The following PCDHGA3 variants were observed in gnomAD, a reference collection of about 807,000 sequenced individuals.
PCDHGA3 encodes protocadherin gamma subfamily A, 3.
In PCDHGA3, 40 loss-of-function variants were observed where a neutral mutation model predicts 58.5. The observed-to-expected ratio is 0.68, with a 90% CI of 0.53 to 0.89. The LOEUF is 0.89. Ranked by LOEUF, PCDHGA3 falls within the 40% of genes least tolerant of loss-of-function variation. PCDHGA3 has a pLI of 0.00. For missense variants in PCDHGA3, 1,223 were observed against 1,195.9 expected (o/e 1.02, Z -0.33); for synonymous variants, 530 against 525.7 (o/e 1.01, Z -0.11).
At chr5:141,494,676 CT>C (rs2099756021) in intron 1 of PCDHGA3, 130 bp from the exon 2 acceptor site, 6 of 1,550,918 alleles carry the variant, frequency 3.9e-6, no homozygotes, top group Non-Finnish European at 4.4e-6. Context: ...GAGTCCACCC[CT>C]GCCCCCTCTT....
chr5:141,500,467 C>T lies in PCDHGA3; in HGVS notation c.2484-4926C>T, dbSNP rs368360639. 6.6e-5 allele frequency among the ~76,000 whole-genome samples: 10 copies of T among 152,262 alleles called. No homozygotes were observed. In the South Asian group the frequency reaches 2.1e-3, roughly 32 times the overall value. ...CTCGTGATCCGCCCGCCTCGGCCTC[C>T]CAAAGTGCTGGGATTACAGGCGTGA... is the stretch of plus-strand genomic sequence containing the variant. On this transcript the variant is annotated intron_variant, in intron 2 of 3. Coordinates refer to ENST00000253812, the MANE Select transcript of PCDHGA3 (RefSeq NM_018916.4).
chr5:141,357,606 A>C, intron 1 of PCDHGA3: 2 of 1,614,052 alleles, frequency 1.2e-6, no homozygotes, highest in Non-Finnish European at 1.7e-6. Flanking sequence ...AAACAAAAGG[A>C]GACCCTAATC....
chr5:141,422,296 A>C, intron 1 of PCDHGA3: 1 of 1,550,706 alleles, frequency 6.4e-7, no homozygotes, highest in South Asian at 1.3e-5. Context: ...TATTAATTCA[A>C]TTCTGGAAAA....
At chr5:141,444,804 A>G (rs140326088) in intron 1 of PCDHGA3, among the ~76,000 whole-genome samples, 1 of 152,250 alleles carries the variant, frequency 6.6e-6, no homozygotes, top group Non-Finnish European at 1.5e-5. Flanking sequence ...TCTTTTACTA[A>G]TAGCACACTG....
At chr5:141,385,355 G>A in intron 1 of PCDHGA3, 1 of 1,548,228 alleles carries the variant, frequency 6.5e-7, no homozygotes, top group Non-Finnish European at 8.7e-7. Flanking sequence ...TTTCCATGAG[G>A]AATTTATTTG....
At chr5:141,399,123 T>C (rs1221457638) in intron 1 of PCDHGA3, 12 of 1,613,828 alleles carry the variant, frequency 7.4e-6, no homozygotes, top group East Asian at 2.2e-5. Context: ...TTGAAATTAA[T>C]ATTCAAGATG....
chr5:141,423,226 G>A lies in PCDHGA3; in HGVS notation c.2425-71581G>A, dbSNP rs775936938. On this transcript the variant is annotated intron_variant, in intron 1 of 3. Coordinates refer to ENST00000253812, the MANE Select transcript of PCDHGA3 (RefSeq NM_018916.4). The stretch of plus-strand genomic sequence containing the variant: ...CGTCACGCTCACCGTGGCTGTGGCC[G>A]ACAGCATCCCCGAAGTCCTGGCGGA... The A allele has an allele frequency of 2.2e-5, 36 of 1,613,708 alleles. No homozygotes were observed. The highest frequency in any genetic ancestry group is 2.6e-5 in the Non-Finnish European group (31 of 1,180,034).
intron 1 of PCDHGA3, among the ~76,000 whole-genome samples, chr5:141,401,300 C>A (rs1169689828): frequency 1.3e-5 from 2 of 152,200 alleles, no homozygotes; most frequent in African/African-American, 4.8e-5. Context: ...CGAGATCACT[C>A]CATTGCATTC....
intron 1 of PCDHGA3, chr5:141,415,157 C>G: frequency 6.2e-7 from 1 of 1,613,864 alleles, no homozygotes. Context: ...CTCTCCGCCA[C>G]TGTCACGCTC....
intron 1 of PCDHGA3, among the ~76,000 whole-genome samples, chr5:141,380,646 A>T (rs1221627488): frequency 6.6e-6 from 1 of 152,256 alleles, no homozygotes; most frequent in Non-Finnish European, 1.5e-5. Context: ...AATGCTAGAG[A>T]CAATGAAGCC....
At chr5:141,406,346 G>C (rs1296474677) in intron 1 of PCDHGA3, among the ~76,000 whole-genome samples, 1 of 152,092 alleles carries the variant, frequency 6.6e-6, no homozygotes, top group Non-Finnish European at 1.5e-5. Flanking sequence ...ATTTATTCAG[G>C]TCATACTATG....
In PCDHGA3 at chr5:141,393,997, A is replaced by G. The variant is rs375314377; in HGVS notation, c.2424+47540A>G. ...CGTGATAATTTACCTTTTAAATTAG[A>G]AAAGTCAATAGGTAATTATTATAGA... On this transcript the variant is annotated intron_variant, in intron 1 of 3. Coordinates refer to ENST00000253812, the MANE Select transcript of PCDHGA3 (RefSeq NM_018916.4). 7.4e-6 allele frequency: 12 copies of G among 1,613,330 alleles called. 1 individual carries two copies. The African/African-American group carries it at 8.0e-5, about 11-fold the overall frequency.
chr5:141,383,347 G>A, intron 1 of PCDHGA3: 1 of 1,614,012 alleles, frequency 6.2e-7, no homozygotes, highest in Non-Finnish European at 8.5e-7. Context: ...AGCTCCTGGG[G>A]TTCGGTTTCC....
At chr5:141,418,066 C>T (rs777602456) in intron 1 of PCDHGA3, 1 of 1,613,980 alleles carries the variant, frequency 6.2e-7, no homozygotes, top group Non-Finnish European at 8.5e-7. Flanking sequence ...TGCGAGTGAG[C>T]GCGGAGAAGC....
At chr5:141,441,916 C>T (rs1340767725) in intron 1 of PCDHGA3, 9 of 352,248 alleles carry the variant, frequency 2.6e-5, no homozygotes, top group Non-Finnish European at 4.9e-5. Context: ...AGATGTGAGA[C>T]ACAATGCGTG....
intron 1 of PCDHGA3, among the ~76,000 whole-genome samples, chr5:141,425,967 G>A (rs1021171082): frequency 2.0e-5 from 3 of 152,214 alleles, no homozygotes; most frequent in Non-Finnish European, 4.4e-5. Flanking sequence ...CAACACATCA[G>A]TCTAATTCTG....
Position 141,511,628 on chromosome 5 carries a change from G to C in PCDHGA3, c.*455G>C, listed in dbSNP as rs4912608. 0.2 allele frequency: 46,780 copies of C among 231,598 alleles called. 5,185 individuals are homozygous for C. The highest frequency in any genetic ancestry group is 0.32 in the Admixed American group (6,204 of 19,590). The allele number at this position is 231,598 out of a possible 1,614,324, so 14.3% of individuals were successfully genotyped here. A position where few individuals can be genotyped will look rare whatever the true frequency, so the allele number is the denominator to read the frequency against. On this transcript the variant is annotated 3_prime_UTR_variant, in exon 4 of 4. Transcript: ENST00000253812. ...CAAGCCTCCTAGTTCTGAAAAGTTG[G>C]AAGGGCATCATGACCTCTTGGCCTC...
chr5:141,382,577 A>T (rs533715089), intron 1 of PCDHGA3, among the ~76,000 whole-genome samples: 47 of 152,338 alleles, frequency 3.1e-4, no homozygotes, highest in Middle Eastern at 6.8e-3. Flanking sequence ...TCTAACAGGG[A>T]AATTTTGAAA....
Position 141,409,459 on chromosome 5 carries a change from T to C in PCDHGA3, c.2424+63002T>C, listed in dbSNP as rs139792503. On this transcript the variant is annotated intron_variant, in intron 1 of 3. Coordinates refer to ENST00000253812, the MANE Select transcript of PCDHGA3 (RefSeq NM_018916.4). ...ACCGAGAGCAGACACCAGAATACAA[T>C]GTCACCATCGTAGCCACTGACAGGG... 4.9e-3 allele frequency: 7,986 copies of C among 1,613,950 alleles called. 44 individuals are homozygous for C. The highest frequency in any genetic ancestry group is 9.4e-3 in the Admixed American group (567 of 60,028).
Sources: gnomAD v4.1 joint callset for allele counts (sites outside exome capture counted in the v4.1 genomes callset) on GRCh38, gnomAD v4.1.1 for gene constraint, MANE v1.5 for transcripts, NCBI Gene and HGNC (gene_info 2026-07-23, HGNC 2026-07-21) for gene names.